The following BANK1 variants were observed in gnomAD, a reference collection of about 807,000 sequenced individuals.
BANK1 encodes the protein B-cell scaffold protein with ankyrin repeats.
BANK1 carries 95 observed loss-of-function variants against 94.5 expected under a neutral mutation model. The observed-to-expected ratio is 1.00, with a 90% CI of 0.85 to 1.19. The LOEUF is 1.19. Ranked by LOEUF, BANK1 falls within the 50% of genes most tolerant of loss-of-function variation. The probability of loss-of-function intolerance (pLI) is 0.00; values close to 1 mark genes in which losing one functional copy is unlikely to be tolerated. For missense variants in BANK1, 987 were observed against 932.2 expected (o/e 1.06, Z -0.77); for synonymous variants, 334 against 308.4 (o/e 1.08, Z -0.87).
At chr4:101,938,271 G>A (rs1048360438) in intron 7 of BANK1, among the ~76,000 whole-genome samples, 2 of 151,402 alleles carry the variant, frequency 1.3e-5, no homozygotes, top group African/African-American at 2.4e-5. Context: ...CATAGAGATA[G>A]GAATAAAATG....
intron 7 of BANK1, among the ~76,000 whole-genome samples, chr4:102,003,175 C>G: frequency 6.6e-6 from 1 of 152,128 alleles, no homozygotes; most frequent in South Asian, 2.1e-4. Context: ...AAGGAATACA[C>G]TAAGTAGAGG....
intron 6 of BANK1, among the ~76,000 whole-genome samples, chr4:101,913,269 A>G (rs966332031): frequency 6.6e-6 from 1 of 152,224 alleles, no homozygotes; most frequent in African/African-American, 2.4e-5. Context: ...TAAAATTTCT[A>G]GAGGCTTCTT....
At position 101,861,414 on chromosome 4, in the gene BANK1, TC is replaced by T. The variant is rs377364289; in HGVS notation, c.625-1109del. Among the ~76,000 whole-genome samples the T allele has an allele frequency of 4.1e-3, 622 of 152,274 alleles. 4 individuals are homozygous for T. The highest frequency in any genetic ancestry group is 0.014 in the African/African-American group (564 of 41,550). On this transcript the variant is annotated intron_variant, in intron 3 of 16. Transcript: ENST00000322953. ...ATTTTATAAGAGCATATAAATGGGA[TC>T]CCTGTTTTTTTTAAGTATGGAATTG...
At chr4:101,841,027 A>T (rs1185090729) in intron 2 of BANK1, among the ~76,000 whole-genome samples, 1 of 152,170 alleles carries the variant, frequency 6.6e-6, no homozygotes, top group Non-Finnish European at 1.5e-5. Flanking sequence ...GTGTTTCACC[A>T]TATTGGCCAG....
chr4:101,944,967 C>T (rs1338976909), intron 7 of BANK1, among the ~76,000 whole-genome samples: 1 of 151,880 alleles, frequency 6.6e-6, no homozygotes, highest in Non-Finnish European at 1.5e-5. Flanking sequence ...AAATGAATAG[C>T]AATAGTCAGG....
chr4:101,996,654 T>A (rs1725890025), intron 7 of BANK1, among the ~76,000 whole-genome samples: 1 of 152,206 alleles, frequency 6.6e-6, no homozygotes, highest in Non-Finnish European at 1.5e-5. Context: ...ACATCCCTTG[T>A]AAGTTGTATT....
At chr4:101,875,834 G>A (rs753397110) in intron 5 of BANK1, among the ~76,000 whole-genome samples, 5 of 152,144 alleles carry the variant, frequency 3.3e-5, no homozygotes, top group Non-Finnish European at 7.4e-5. Context: ...AGGCCAAAAG[G>A]ATTGCAACTC....
intron 7 of BANK1, among the ~76,000 whole-genome samples, chr4:101,938,169 A>G (rs947095311): frequency 6.6e-6 from 1 of 151,744 alleles, no homozygotes; most frequent in Admixed American, 6.6e-5. Context: ...GCAAACCACC[A>G]TGGCACGTGT....
intron 5 of BANK1, among the ~76,000 whole-genome samples, chr4:101,873,909 A>G (rs1335803952): frequency 6.6e-6 from 1 of 152,186 alleles, no homozygotes; most frequent in Non-Finnish European, 1.5e-5. Context: ...TCTTGGGGAA[A>G]TAATAAAGTT....
chr4:101,908,601 C>T (rs1271171747), intron 6 of BANK1, among the ~76,000 whole-genome samples: 1 of 152,090 alleles, frequency 6.6e-6, no homozygotes, highest in East Asian at 1.9e-4. Flanking sequence ...AAAGAAACTA[C>T]CATCAGAGTG....
chr4:101,894,514 T>C (rs928173122), intron 5 of BANK1, among the ~76,000 whole-genome samples: 1 of 152,032 alleles, frequency 6.6e-6, no homozygotes, highest in African/African-American at 2.4e-5. Context: ...TTGACAATAT[T>C]TATAGTTTTA....
At chr4:101,838,808 A>T (rs1220651788) in intron 2 of BANK1, among the ~76,000 whole-genome samples, 4 of 152,166 alleles carry the variant, frequency 2.6e-5, no homozygotes, top group Non-Finnish European at 5.9e-5. Flanking sequence ...CCACTTGGTA[A>T]CCTCAGTAAT....
chr4:101,907,742 G>A (rs539758122), intron 6 of BANK1, among the ~76,000 whole-genome samples: 28 of 152,306 alleles, frequency 1.8e-4, no homozygotes, highest in African/African-American at 6.0e-4. Flanking sequence ...AAAATCACAA[G>A]CATTCTTATA....
At chr4:101,930,576 A>G (rs1222469265) in intron 7 of BANK1, among the ~76,000 whole-genome samples, 3 of 151,564 alleles carry the variant, frequency 2.0e-5, no homozygotes, top group East Asian at 3.9e-4. Context: ...ACATGTTAGT[A>G]TAAAATCCAA....
intron 7 of BANK1, among the ~76,000 whole-genome samples, chr4:101,968,258 C>G (rs1406003917): frequency 6.6e-6 from 1 of 151,910 alleles, no homozygotes; most frequent in Non-Finnish European, 1.5e-5. Context: ...TGTTATATGA[C>G]AAATGTTAAA....
chr4:101,844,354 A>G (rs1727168259), intron 2 of BANK1, among the ~76,000 whole-genome samples: 1 of 152,220 alleles, frequency 6.6e-6, no homozygotes, highest in African/African-American at 2.4e-5. Context: ...AGAAGAGCCT[A>G]TATGAAGGAA....
intron 7 of BANK1, among the ~76,000 whole-genome samples, chr4:101,985,457 GT>G (rs1324605561): frequency 6.6e-6 from 1 of 151,776 alleles, no homozygotes; most frequent in Non-Finnish European, 1.5e-5. Flanking sequence ...ACTAAATCTG[GT>G]TTTTTTTAAT....
intron 7 of BANK1, among the ~76,000 whole-genome samples, chr4:101,933,391 AAAGC>A (rs1723423992): frequency 6.6e-6 from 1 of 151,254 alleles, no homozygotes; most frequent in East Asian, 2.0e-4. Context: ...CAGTGGAAGA[AAAGC>A]ATATTAAAGG....
In BANK1 at chr4:101,795,430, C is replaced by G. The variant is rs559389800; in HGVS notation, c.70+4480C>G. 9.3e-5 allele frequency among the ~76,000 whole-genome samples: 14 copies of G among 150,758 alleles called. No individual in the cohort carries two copies. In the South Asian group the frequency reaches 2.7e-3, roughly 29 times the overall value. ...CTTTTAAGTCACCATGTTTTTTTTT[C>G]TAGGATGGGGAGTGGAGAAACACAA... On this transcript the variant is annotated intron_variant, in intron 1 of 16. Coordinates refer to ENST00000322953, the MANE Select transcript of BANK1 (RefSeq NM_017935.5).
Sources: gnomAD v4.1 joint callset for allele counts (sites outside exome capture counted in the v4.1 genomes callset) on GRCh38, gnomAD v4.1.1 for gene constraint, MANE v1.5 for transcripts, NCBI Gene and HGNC (gene_info 2026-07-23, HGNC 2026-07-21) for gene names.